The following KLF8 variants were observed in gnomAD, a reference collection of about 807,000 sequenced individuals.
The protein encoded by KLF8 is Krueppel-like factor 8.
Under a neutral mutation model 18.2 loss-of-function variants are expected in KLF8, and 10 were observed. The observed-to-expected ratio is 0.55, with a 90% CI of 0.34 to 0.93. The LOEUF (loss-of-function observed/expected upper bound fraction) is 0.93. KLF8 is among the 40% of genes least tolerant of loss of function. KLF8 has a pLI of 0.02. For missense variants in KLF8, 264 were observed against 277.9 expected (o/e 0.95, Z 0.36); for synonymous variants, 109 against 97.3 (o/e 1.12, Z -0.71).
chrX:55,969,471 T>A, the KLF8 span, among the ~76,000 whole-genome samples: 3 of 111,482 alleles, frequency 2.7e-5, no homozygotes, highest in African/African-American at 9.8e-5. Flanking sequence ...TAGGGGAGTT[T>A]ATAACTATAA....
At chrX:56,191,308 C>T in the KLF8 span, among the ~76,000 whole-genome samples, 1 of 111,761 alleles carries the variant, frequency 8.9e-6, no homozygotes, top group African/African-American at 3.2e-5. Flanking sequence ...GAGATTGAAG[C>T]TGTAGTTGAA....
the KLF8 span, among the ~76,000 whole-genome samples, chrX:56,220,248 A>G: frequency 2.2e-4 from 25 of 111,870 alleles, no homozygotes; most frequent in African/African-American, 8.1e-4. Flanking sequence ...AAGAATTGCA[A>G]TCATTGCTAT....
At chrX:56,283,963 T>C (rs2067237670) in intron 5 of KLF8, among the ~76,000 whole-genome samples, 2 of 111,862 alleles carry the variant, frequency 1.8e-5, no homozygotes, top group Admixed American at 1.9e-4. Context: ...ATCTTGGACT[T>C]TCTTTAGAAC....
At chrX:56,130,609 A>C in the KLF8 span, among the ~76,000 whole-genome samples, 1 of 111,258 alleles carries the variant, frequency 9.0e-6, no homozygotes, top group African/African-American at 3.3e-5. Context: ...ACACCCCCCT[A>C]CTGCCAGTTA....
chrX:55,994,042 CT>C, the KLF8 span, among the ~76,000 whole-genome samples: 1 of 108,371 alleles, frequency 9.2e-6, no homozygotes, highest in Non-Finnish European at 1.9e-5. Flanking sequence ...TCCTGAGTAG[CT>C]GGGACTACAG....
chrX:56,058,283 T>TATAC, the KLF8 span, among the ~76,000 whole-genome samples: 1 of 32,778 alleles, frequency 3.1e-5, no homozygotes, highest in Non-Finnish European at 5.8e-5. Context: ...TATATACATA[T>TATAC]ATATATATAT....
At chrX:56,069,292 G>A in the KLF8 span, among the ~76,000 whole-genome samples, 4 of 112,107 alleles carry the variant, frequency 3.6e-5, no homozygotes, top group Non-Finnish European at 7.5e-5. Context: ...GCCACTGAGA[G>A]CCAGGAATGC....
chrX:56,025,382 C>A, the KLF8 span, among the ~76,000 whole-genome samples: 1 of 111,853 alleles, frequency 8.9e-6, no homozygotes, highest in Admixed American at 9.5e-5. Flanking sequence ...ATTATTAATT[C>A]TAAAGGGTTG....
At chrX:56,061,107 A>T in the KLF8 span, among the ~76,000 whole-genome samples, 2 of 111,684 alleles carry the variant, frequency 1.8e-5, no homozygotes, top group South Asian at 7.5e-4. Flanking sequence ...GATCTTTTCA[A>T]AAAACCAGCT....
At chrX:56,283,115 T>A (rs1355783060) in intron 5 of KLF8, among the ~76,000 whole-genome samples, 4 of 111,444 alleles carry the variant, frequency 3.6e-5, no homozygotes, top group African/African-American at 1.3e-4. Context: ...CATAATGGGG[T>A]CATACTGCGT....
the KLF8 span, among the ~76,000 whole-genome samples, chrX:56,047,570 C>A: frequency 9.1e-6 from 1 of 110,496 alleles, no homozygotes; most frequent in Non-Finnish European, 1.9e-5. Flanking sequence ...CCAGCTTCAT[C>A]CATGCCCCTA....
the KLF8 span, among the ~76,000 whole-genome samples, chrX:56,176,508 C>G: frequency 3.6e-5 from 4 of 111,648 alleles, no homozygotes; most frequent in South Asian, 1.5e-3. Flanking sequence ...GTGGGTAACC[C>G]GACCTTTCTC....
chrX:56,135,051 A>G, the KLF8 span, among the ~76,000 whole-genome samples: 1 of 111,622 alleles, frequency 9.0e-6, no homozygotes, highest in East Asian at 2.8e-4. Context: ...TCAGGAAACA[A>G]CAGGTGCTGG....
At chrX:56,248,005 C>A (rs1300528193) in intron 1 of KLF8, among the ~76,000 whole-genome samples, 1 of 111,291 alleles carries the variant, frequency 9.0e-6, no homozygotes, top group Non-Finnish European at 1.9e-5. Context: ...ACCACAAATA[C>A]ATGAGTAATG....
At chrX:56,164,669 G>T in the KLF8 span, among the ~76,000 whole-genome samples, 1 of 86,464 alleles carries the variant, frequency 1.2e-5, no homozygotes. Flanking sequence ...TATCTTTTCT[G>T]TATGCCCACT....
the KLF8 span, among the ~76,000 whole-genome samples, chrX:55,972,661 G>T: frequency 9.0e-6 from 1 of 110,859 alleles, no homozygotes; most frequent in Non-Finnish European, 1.9e-5. Context: ...ATATACATCT[G>T]CTATGTACCC....
At chrX:56,167,779 C>T in the KLF8 span, among the ~76,000 whole-genome samples, 16 of 111,967 alleles carry the variant, frequency 1.4e-4, no homozygotes, top group Admixed American at 5.7e-4. Flanking sequence ...GTAAAATATC[C>T]CAGTTCAGGC....
chrX:56,046,477 T>G, the KLF8 span, among the ~76,000 whole-genome samples: 1 of 111,222 alleles, frequency 9.0e-6, no homozygotes, highest in Non-Finnish European at 1.9e-5. Context: ...CCTGTGCATT[T>G]TTCAGTGTGT....
At chrX:56,114,243 C>A in the KLF8 span, among the ~76,000 whole-genome samples, 2 of 111,888 alleles carry the variant, frequency 1.8e-5, no homozygotes, top group African/African-American at 3.2e-5. Flanking sequence ...ACTGGAGCCC[C>A]AGTGATGGCA....
Sources: allele counts gnomAD v4.1 joint callset (sites outside exome capture counted in the v4.1 genomes callset), GRCh38; gene constraint gnomAD v4.1.1; transcripts MANE v1.5; gene names NCBI Gene and HGNC (gene_info 2026-07-23, HGNC 2026-07-21).